The following LAMTOR3 variants were observed in gnomAD, a reference collection of about 807,000 sequenced individuals.
LAMTOR3 encodes ragulator complex protein LAMTOR3.
In LAMTOR3, 14 loss-of-function variants were observed where a neutral mutation model predicts 20.3. The observed-to-expected ratio is 0.69, with a 90% CI of 0.46 to 1.08. LAMTOR3 has a LOEUF of 1.08. LAMTOR3 is among the 50% of genes least tolerant of loss of function. The pLI, the probability that LAMTOR3 is intolerant of heterozygous loss-of-function variation, is 0.00. For missense variants in LAMTOR3, 125 were observed against 143.7 expected (o/e 0.87, Z 0.67); for synonymous variants, 40 against 49.4 (o/e 0.81, Z 0.80).
intron 3 of LAMTOR3, among the ~76,000 whole-genome samples, chr4:99,887,571 T>C (rs1724952345): frequency 6.6e-6 from 1 of 152,218 alleles, no homozygotes; most frequent in African/African-American, 2.4e-5. Flanking sequence ...ATGCAGTTTA[T>C]TAATAAGAAT....
At chr4:99,894,440 G>A (rs1036342917), upstream of LAMTOR3, 2 of 153,100 alleles carry the variant, frequency 1.3e-5, no homozygotes, top group Non-Finnish European at 2.9e-5. Flanking sequence ...CCTCGTCTGC[G>A]CTCCAGGAAG....
At chr4:99,892,680 ATTT>A (rs368209166) in intron 2 of LAMTOR3, among the ~76,000 whole-genome samples, 1 of 143,478 alleles carries the variant, frequency 7.0e-6, no homozygotes, top group African/African-American at 2.6e-5. Flanking sequence ...GTGAGGCAAC[ATTT>A]TTTTTTTTTT....
At chr4:99,889,753 AC>A (rs1159660950) in intron 3 of LAMTOR3, among the ~76,000 whole-genome samples, 4 of 152,198 alleles carry the variant, frequency 2.6e-5, no homozygotes, top group Admixed American at 2.0e-4. Flanking sequence ...TGTACTACTT[AC>A]CCCCAAAATA....
rs1362009654 is a variant in LAMTOR3, at chr4:99,887,323, C to T, written c.76G>A (p.Asp26Asn). ...TTAATAACAGGTACTCCATCTCTAT[C>T]TGACACAACAATGGCATGGAGCCCT... is the stretch of plus-strand genomic sequence containing the variant. ...VEGLHAIVVS[D>N]RDGVPVIKVA... is the part of the protein sequence containing the mutation. Residue 26 changes from aspartate (D) to asparagine (N), a missense_variant, in exon 4 of 7, where the codon GAT (aspartate) becomes AAT (asparagine). Asp to Asn is a conservative substitution (Grantham distance 23, BLOSUM62 1). This residue lies in a region of LAMTOR3 where 99 missense variants were observed against 96.0 expected (regional missense o/e 1.03). Transcript: ENST00000499666. The T allele has an allele frequency of 6.4e-7, 1 of 1,559,886 alleles. No individual in the cohort carries two copies. Among genetic ancestry groups the T allele is most frequent in the African/African-American group, 1.4e-5 (1 of 72,674 alleles).
chr4:99,894,303 G>A (rs1725083095), intron 1 of LAMTOR3, 32 bp downstream of exon 1: 1 of 277,560 alleles, frequency 3.6e-6, no homozygotes, highest in Non-Finnish European at 6.7e-6. Flanking sequence ...GCGGGACTAG[G>A]CCTCAAAACC....
intron 3 of LAMTOR3, among the ~76,000 whole-genome samples, chr4:99,889,895 G>A (rs1480975476): frequency 2.0e-5 from 3 of 152,056 alleles, no homozygotes; most frequent in African/African-American, 7.2e-5. Flanking sequence ...AAAATAAAAG[G>A]ACTTTCTTTT....
rs1724834393 is a variant in LAMTOR3, at chr4:99,881,909, A to G, written c.*85T>C. 6 of 939,846 alleles carry G rather than the reference A, an allele frequency of 6.4e-6. No homozygotes were observed. The South Asian group carries it at 7.1e-5, about 11-fold the overall frequency. 58.2% of individuals were successfully genotyped at this position (939,846 alleles called of 1,614,324 possible). On this transcript the variant is annotated 3_prime_UTR_variant, in exon 7 of 7. Transcript: ENST00000499666. ...GGGCCCTTTCTTGAGCACATGGATA[A>G]AAGTATTATTGTAGTCTAAAGATTG...
chr4:99,886,896 T>A (rs1724935496), intron 4 of LAMTOR3, among the ~76,000 whole-genome samples: 1 of 134,272 alleles, frequency 7.4e-6, no homozygotes, highest in African/African-American at 2.7e-5. Flanking sequence ...CAACTAGCAA[T>A]TTGATAAAAT....
chr4:99,886,131 G>C (rs1249232946), intron 4 of LAMTOR3, among the ~76,000 whole-genome samples: 3 of 152,192 alleles, frequency 2.0e-5, no homozygotes, highest in Non-Finnish European at 4.4e-5. Flanking sequence ...TAAAAGGTTT[G>C]CATGGAGTTT....
rs1724947780 is a variant in LAMTOR3, at chr4:99,887,371, G to A, written c.45-17C>T. ...CCTTCAACACTAGAAAAAGAAAATA[G>A]TTAAAATATAAAAAAAGTTAAAATA... On this transcript the variant is annotated splice_polypyrimidine_tract_variant and intron_variant, in intron 3 of 6. Transcript: ENST00000499666. 2 of 1,222,930 alleles carry A rather than the reference G, an allele frequency of 1.6e-6. No homozygotes were observed. The highest frequency in any genetic ancestry group is 2.2e-6 in the Non-Finnish European group (2 of 916,254). The allele number at this position is 1,222,930 out of a possible 1,614,324, so 75.8% of individuals were successfully genotyped here.
chr4:99,884,734 G>A (rs1167138108), intron 5 of LAMTOR3, among the ~76,000 whole-genome samples: 2 of 152,216 alleles, frequency 1.3e-5, no homozygotes, highest in East Asian at 1.9e-4. Flanking sequence ...GGAGGCTGAG[G>A]TGGATGGATC....
At position 99,883,532 on chromosome 4, in the gene LAMTOR3, T is replaced by C. The variant is rs951324181; in HGVS notation, c.301+530A>G. 2.1e-4 allele frequency among the ~76,000 whole-genome samples: 32 copies of C among 152,130 alleles called. 1 individual carries two copies. The highest frequency in any genetic ancestry group is 1.8e-3 in the Admixed American group (28 of 15,304). On this transcript the variant is annotated intron_variant, in intron 6 of 6. Coordinates refer to ENST00000499666, the MANE Select transcript of LAMTOR3 (RefSeq NM_021970.4). The stretch of plus-strand genomic sequence containing the variant: ...TATAAAGGGTACAGCTTCCTAGCAT[T>C]TGTTCTCAAATTCTTCAGTTCTCAA...
At chr4:99,885,807 C>CAAGTACATTTA in intron 4 of LAMTOR3, 132 bp from the exon 5 acceptor site, 1 of 737,312 alleles carries the variant, frequency 1.4e-6, no homozygotes, top group East Asian at 2.9e-5. Flanking sequence ...AAAATCATAT[C>CAAGTACATTTA]ACTAATGGGG....
chr4:99,891,506 A>G (rs1222907922), intron 3 of LAMTOR3, among the ~76,000 whole-genome samples: 1 of 152,158 alleles, frequency 6.6e-6, no homozygotes, highest in Non-Finnish European at 1.5e-5. Flanking sequence ...ATTTCTTTCA[A>G]AGTATGTTGA....
At chr4:99,888,503 C>G (rs1294290305) in intron 3 of LAMTOR3, among the ~76,000 whole-genome samples, 1 of 152,162 alleles carries the variant, frequency 6.6e-6, no homozygotes, top group East Asian at 1.9e-4. Flanking sequence ...ATGCAAAACC[C>G]TTTCATTGTT....
chr4:99,894,494 G>A (rs1725091758), upstream of LAMTOR3: 2 of 151,954 alleles, frequency 1.3e-5, no homozygotes, highest in South Asian at 2.1e-4. Context: ...GATTTCCGGA[G>A]GGGCCCGGCG....
intron 2 of LAMTOR3, among the ~76,000 whole-genome samples, chr4:99,892,730 G>A (rs894772978): frequency 3.3e-5 from 5 of 150,546 alleles, no homozygotes; most frequent in African/African-American, 1.2e-4. Context: ...CCAGGCTGGA[G>A]TGCAATGGCG....
chr4:99,883,959 T>A lies in LAMTOR3; in HGVS notation c.301+103A>T, dbSNP rs1192802380. 3.8e-6 allele frequency: 3 copies of A among 785,360 alleles called. No individual in the cohort carries two copies. The South Asian group carries it at 5.3e-5, about 14-fold the overall frequency. The allele number at this position is 785,360 out of a possible 1,614,324, so 48.6% of individuals were successfully genotyped here. On this transcript the variant is annotated intron_variant, in intron 6 of 6. Coordinates refer to ENST00000499666, the MANE Select transcript of LAMTOR3 (RefSeq NM_021970.4). ...GTGAAACTGGGCCACAAGTTCAAGA[T>A]TTTTGGCTCTAAATCTACTATTCCT...
chr4:99,894,126 C>T (rs529197038), intron 1 of LAMTOR3, 126 bp from the exon 2 acceptor site: 9 of 534,600 alleles, frequency 1.7e-5, no homozygotes, highest in Middle Eastern at 2.9e-4. Context: ...GGGCTTGGCC[C>T]AGCGAGCCCA....
Sources: allele counts gnomAD v4.1 joint callset (sites outside exome capture counted in the v4.1 genomes callset), GRCh38; gene constraint gnomAD v4.1.1; regional missense constraint gnomAD v4.1.1; transcripts MANE v1.5; gene names NCBI Gene and HGNC (gene_info 2026-07-23, HGNC 2026-07-21).